The following RFC5 variants were observed in gnomAD, a reference collection of about 807,000 sequenced individuals.
RFC5 encodes the protein A1 36 kDa subunit.
Under a neutral mutation model 44.3 loss-of-function variants are expected in RFC5, and 26 were observed. The ratio of observed to expected loss-of-function variants is 0.59; its 90% CI spans 0.43 to 0.81. RFC5 has a LOEUF of 0.81. Among genes scored for constraint, RFC5 ranks in the 40% least tolerant of loss-of-function variants. RFC5 has a pLI of 0.00. For synonymous variants in RFC5, 155 were observed against 155.2 expected (o/e 1.00, Z 0.01); for missense variants, 328 against 418.6 (o/e 0.78, Z 1.89).
At chr12:118,022,870 C>A (rs2030611509) in intron 5 of RFC5, among the ~76,000 whole-genome samples, 1 of 152,174 alleles carries the variant, frequency 6.6e-6, no homozygotes, top group Non-Finnish European at 1.5e-5. Flanking sequence ...TTCTCTGTGT[C>A]TCCCATCTAA....
At chr12:118,022,165 T>C in intron 4 of RFC5, 121 bp from the exon 5 acceptor site, 1 of 773,354 alleles carries the variant, frequency 1.3e-6, no homozygotes, top group East Asian at 2.6e-5. Context: ...TTGGCCAAAG[T>C]TCTAGAAGAA....
At chr12:118,027,876 G>T in intron 8 of RFC5, 77 bp from the exon 9 acceptor site, 1 of 871,392 alleles carries the variant, frequency 1.1e-6, no homozygotes, top group Non-Finnish European at 1.9e-6. Context: ...AAAGTCTCTT[G>T]CCCGGGTTTG....
In RFC5 at chr12:118,016,800, C is replaced by T. The variant is rs1593432300; in HGVS notation, c.-28C>T. 1 of 1,597,266 alleles carries T rather than the reference C, an allele frequency of 6.3e-7. No individual in the cohort carries two copies. Among genetic ancestry groups the T allele is most frequent in the Non-Finnish European group, 8.5e-7 (1 of 1,170,332 alleles). ...CGCTTGGGTGACGCGACGATCTCAG[C>T]GGATCTGGTCACCTTCGTCTCCCCG... On this transcript the variant is annotated 5_prime_UTR_variant, in exon 1 of 11. Transcript: ENST00000454402.
At chr12:118,027,253 C>T in intron 8 of RFC5, 2 of 493,550 alleles carry the variant, frequency 4.1e-6, no homozygotes, top group Non-Finnish European at 7.3e-6. Context: ...AGCAGCTTCA[C>T]TCACAGATGG....
intron 1 of RFC5, chr12:118,017,673 G>A (rs769450717): frequency 5.0e-6 from 5 of 991,456 alleles, no homozygotes; most frequent in South Asian, 3.9e-5. Flanking sequence ...ATGTATTTAC[G>A]TATTTTTTTT....
At position 118,016,713 on chromosome 12, in the gene RFC5, T is replaced by G. The variant is rs1669447917; in HGVS notation, c.-115T>G. Reference sequence around the variant, plus strand: ...GTGGCCGCGTCTCGCGAGAGTTGCTTTTGCGCGCGAACTGTAAGTGCCAGG... The same window carrying G: ...GTGGCCGCGTCTCGCGAGAGTTGCTGTTGCGCGCGAACTGTAAGTGCCAGG... On this transcript the variant is annotated 5_prime_UTR_variant, in exon 1 of 11. Coordinates refer to ENST00000454402, the MANE Select transcript of RFC5 (RefSeq NM_007370.7). The G allele has an allele frequency of 5.9e-6, 5 of 850,460 alleles. No homozygotes were observed. The highest frequency in any genetic ancestry group is 7.7e-6 in the Non-Finnish European group (4 of 520,204). The allele number at this position is 850,460 out of a possible 1,614,324, so 52.7% of individuals were successfully genotyped here.
intron 4 of RFC5, among the ~76,000 whole-genome samples, chr12:118,021,957 CA>C (rs1406957292): frequency 2.0e-5 from 3 of 150,574 alleles, no homozygotes; most frequent in Non-Finnish European, 4.4e-5. Context: ...AACTTAGTCT[CA>C]AAAAAAGCAA....
At chr12:118,017,716 G>A in intron 1 of RFC5, 1 of 740,570 alleles carries the variant, frequency 1.4e-6, no homozygotes, top group Non-Finnish European at 2.1e-6. Flanking sequence ...TGTCGCCCAT[G>A]CTGGAGCGCA....
Position 118,019,687 on chromosome 12 carries a change from A to G in RFC5, c.186A>G (p.Pro62=). The stretch of plus-strand genomic sequence containing the variant: ...CACACTTGCTTCTCTACGGTCCCCC[A>G]GGGACAGGCAAGACATCTACCATCC... ...RLPHLLLYGP[P]GTGKTSTILA... is the part of the protein sequence containing the mutation. Residue 62 remains proline, a synonymous_variant, in exon 3 of 11, where the codon CCA becomes CCG. Transcript: ENST00000454402. This position sits in a 1 kb window ranked among gnomAD's most constrained non-coding sequence, Gnocchi z 4.2. 1.9e-6 allele frequency: 3 copies of G among 1,613,926 alleles called. No individual in the cohort carries two copies. Among genetic ancestry groups the G allele is most frequent in the South Asian group, 1.1e-5 (1 of 91,076 alleles).
chr12:118,035,368 G>A (rs755881831), downstream of RFC5: 1 of 1,552,900 alleles, frequency 6.4e-7, no homozygotes, highest in South Asian at 1.1e-5. Context: ...AGTGATGGCT[G>A]CTCTCCACCC....
At chr12:118,041,409 C>G in the RFC5 span, among the ~76,000 whole-genome samples, 1 of 152,322 alleles carries the variant, frequency 6.6e-6, no homozygotes, top group South Asian at 2.1e-4. Flanking sequence ...ACTCCCCAAC[C>G]TTCAGAACTG....
At chr12:118,038,052 A>T (rs2031552268), downstream of RFC5, 3 of 389,294 alleles carry the variant, frequency 7.7e-6, no homozygotes, top group Non-Finnish European at 1.4e-5. Context: ...TTCCCATTTT[A>T]TAAAGGGAAA....
rs758680453 is a variant in RFC5 at position 118,016,925 on chromosome 12, A to G, written c.65+33A>G. 1.9e-6 allele frequency: 3 copies of G among 1,589,134 alleles called. No individual in the cohort carries two copies. In the Admixed American group the frequency reaches 5.0e-5, roughly 27 times the overall value. On this transcript the variant is annotated intron_variant, in intron 1 of 10. Coordinates refer to ENST00000454402, the MANE Select transcript of RFC5 (RefSeq NM_007370.7). The stretch of plus-strand genomic sequence containing the variant: ...GAGGCCGAGCGGCGGCGGTGGGCAG[A>G]GGGGGCCAGGCGGCCGCGCGGGGAG...
At chr12:118,020,774 A>C (rs866174053) in intron 3 of RFC5, 132 bp from the exon 4 acceptor site, 2 of 536,540 alleles carry the variant, frequency 3.7e-6, no homozygotes, top group African/African-American at 3.8e-5. Context: ...TTTTATGATG[A>C]TCTCTTAGCC....
chr12:118,028,014 C>T lies in RFC5; in HGVS notation c.855C>T (p.His285=). 1 of 1,604,992 alleles carries T rather than the reference C, an allele frequency of 6.2e-7. No homozygotes were observed. Among genetic ancestry groups the T allele is most frequent in the Non-Finnish European group, 8.5e-7 (1 of 1,172,270 alleles). Residue 285 remains histidine, a synonymous_variant, in exon 9 of 11, where the codon CAC becomes CAT. Coordinates refer to ENST00000454402, the MANE Select transcript of RFC5 (RefSeq NM_007370.7). ...LALHDILTEI[H]LFVHRVDFPS... The stretch of plus-strand genomic sequence containing the variant: ...TGCATGATATCCTGACAGAGATACA[C>T]TTGTTTGTGCATAGAGGTAACTTAC...
downstream of RFC5, chr12:118,033,288 A>G (rs1471503003): frequency 1.3e-5 from 2 of 152,608 alleles, no homozygotes; most frequent in African/African-American, 4.8e-5. Context: ...TAAGAGTATC[A>G]GCTAAAGTCA....
Position 118,019,314 on chromosome 12 carries a change from A to C in RFC5, c.130+178A>C, listed in dbSNP as rs941592962. 6.6e-6 allele frequency among the ~76,000 whole-genome samples: 1 copy of C among 152,208 alleles called. No individual in the cohort carries two copies. The highest frequency in any genetic ancestry group is 2.4e-5 in the African/African-American group (1 of 41,462). ...GCTACAGTCCAGTGGGTAAGTCACAAACATGAGCATAAAATTGCAACACAG... is the reference window on the plus strand; with the variant it reads ...GCTACAGTCCAGTGGGTAAGTCACACACATGAGCATAAAATTGCAACACAG... On this transcript the variant is annotated intron_variant, in intron 2 of 10. Transcript: ENST00000454402. This position sits in a 1 kb window ranked among gnomAD's most constrained non-coding sequence, Gnocchi z 4.2.
chr12:118,039,028 C>T, the RFC5 span, among the ~76,000 whole-genome samples: 1 of 152,142 alleles, frequency 6.6e-6, no homozygotes, highest in Non-Finnish European at 1.5e-5. Context: ...GCTCCCCAAC[C>T]ACCTCAAGTA....
At chr12:118,038,499 C>T in the RFC5 span, 2 of 936,602 alleles carry the variant, frequency 2.1e-6, no homozygotes, top group Non-Finnish European at 3.2e-6. Flanking sequence ...CCATCAGCTC[C>T]TATCAGCTGG....
Sources: gnomAD v4.1 joint callset for allele counts (sites outside exome capture counted in the v4.1 genomes callset) on GRCh38, gnomAD v4.1.1 for gene constraint, Gnocchi (gnomAD v3.1) non-coding constraint, MANE v1.5 for transcripts, NCBI Gene and HGNC (gene_info 2026-07-23, HGNC 2026-07-21) for gene names.